The following MAP3K7CL variants were observed in gnomAD, a reference collection of about 807,000 sequenced individuals.
MAP3K7CL encodes MAP3K7 C-terminal like, also known as MAP3K7 C-terminal-like protein.
Under a neutral mutation model 18.6 loss-of-function variants are expected in MAP3K7CL, and 16 were observed. The observed-to-expected ratio is 0.86, with a 90% CI of 0.58 to 1.31. MAP3K7CL has a LOEUF of 1.31. Among genes scored for constraint, MAP3K7CL ranks in the 50% most tolerant of loss-of-function variants. MAP3K7CL has a pLI of 0.00. For missense variants in MAP3K7CL, 163 were observed against 174.4 expected (o/e 0.93, Z 0.37); for synonymous variants, 65 against 66.8 (o/e 0.97, Z 0.13).
At chr21:29,085,722 T>C (rs2085913702), upstream of MAP3K7CL, 1 of 757,588 alleles carries the variant, frequency 1.3e-6, no homozygotes, top group Admixed American at 2.2e-5. Context: ...GTATTTAACA[T>C]TAATTGAATG....
chr21:29,131,041 T>C (rs2086770634), intron 1 of MAP3K7CL, 118 bp downstream of exon 1: 1 of 585,694 alleles, frequency 1.7e-6, no homozygotes, highest in East Asian at 1.4e-4. Context: ...CCAGACGGTG[T>C]GATGAAAAGG....
chr21:29,167,439 T>A (rs776268441), intron 4 of MAP3K7CL, among the ~76,000 whole-genome samples: 3 of 152,182 alleles, frequency 2.0e-5, no homozygotes, highest in Admixed American at 6.5e-5. Context: ...GGCAAAAGGG[T>A]GCATATGTAA....
upstream of MAP3K7CL, among the ~76,000 whole-genome samples, chr21:29,084,016 A>G (rs2085882939): frequency 6.8e-6 from 1 of 147,928 alleles, no homozygotes; most frequent in Admixed American, 6.8e-5. Flanking sequence ...TATATATTTT[A>G]TGACATATAT....
At chr21:29,147,233 T>C (rs2087148743) in intron 2 of MAP3K7CL, among the ~76,000 whole-genome samples, 7 of 152,114 alleles carry the variant, frequency 4.6e-5, no homozygotes, top group Admixed American at 4.6e-4. Context: ...ATAGGTACTA[T>C]ATATGTATAT....
At chr21:29,084,629 G>A (rs1393998665), upstream of MAP3K7CL, among the ~76,000 whole-genome samples, 1 of 152,186 alleles carries the variant, frequency 6.6e-6, no homozygotes, top group Non-Finnish European at 1.5e-5. Flanking sequence ...GTCTGCTAGA[G>A]CAATTACATT....
Position 29,155,880 on chromosome 21 carries a change from G to A in MAP3K7CL, c.133-4061G>A, listed in dbSNP as rs552033774. 4.1e-3 allele frequency among the ~76,000 whole-genome samples: 620 copies of A among 152,278 alleles called. 7 individuals carry two copies. The highest frequency in any genetic ancestry group is 6.4e-3 in the Non-Finnish European group (433 of 68,006). On this transcript the variant is annotated intron_variant, in intron 3 of 4. Transcript: ENST00000399928. ...TGGCTTGAGGCGCTGTTAGGAGAAG[G>A]TGTTAATTTCACCTCCTAAGAACTG...
At chr21:29,149,798 A>T (rs533081979) in intron 3 of MAP3K7CL, among the ~76,000 whole-genome samples, 15 of 152,370 alleles carry the variant, frequency 9.8e-5, no homozygotes, top group African/African-American at 3.6e-4. Flanking sequence ...ATCTGTTGAA[A>T]GATATTTTAA....
chr21:29,159,390 G>A (rs954474307), intron 3 of MAP3K7CL, among the ~76,000 whole-genome samples: 7 of 152,076 alleles, frequency 4.6e-5, no homozygotes, highest in Non-Finnish European at 7.4e-5. Context: ...GGGAGATCCG[G>A]CCTTTCTTAC....
chr21:29,108,629 G>A (rs557997262), intron 4 of MAP3K7CL, among the ~76,000 whole-genome samples: 1 of 152,134 alleles, frequency 6.6e-6, no homozygotes, highest in Non-Finnish European at 1.5e-5. Flanking sequence ...CAGCATCTGG[G>A]TATGTTTGGA....
chr21:29,172,767 A>G (rs1248794059), intron 4 of MAP3K7CL, among the ~76,000 whole-genome samples: 2 of 152,094 alleles, frequency 1.3e-5, no homozygotes, highest in Non-Finnish European at 2.9e-5. Flanking sequence ...ACCTAATTGA[A>G]TGAGATGGTC....
At chr21:29,155,645 G>A (rs2087384852) in intron 3 of MAP3K7CL, among the ~76,000 whole-genome samples, 1 of 152,160 alleles carries the variant, frequency 6.6e-6, no homozygotes, top group Admixed American at 6.5e-5. Context: ...TTGTTAAATC[G>A]GTCCTGATAA....
At chr21:29,100,617 A>G (rs558098014) in intron 4 of MAP3K7CL, among the ~76,000 whole-genome samples, 1 of 151,236 alleles carries the variant, frequency 6.6e-6, no homozygotes, top group Non-Finnish European at 1.5e-5. Flanking sequence ...ATTGCAAACT[A>G]TTACGCATCA....
At position 29,140,611 on chromosome 21, in the gene MAP3K7CL, TC is replaced by T. The variant is rs1363985297; in HGVS notation, c.70+7198del. On this transcript the variant is annotated intron_variant, in intron 2 of 4. Transcript: ENST00000399928. ...ATGTTATAAGAGAAAGCTCAAAGCTTCTTGACAACAAATAGCTTCCCGACAA... is the reference window on the plus strand; with the variant it reads ...ATGTTATAAGAGAAAGCTCAAAGCTTTTGACAACAAATAGCTTCCCGACAA... Among the ~76,000 whole-genome samples the T allele has an allele frequency of 3.0e-4, 46 of 152,316 alleles. No homozygotes were observed. The Middle Eastern group carries it at 0.01, about 34-fold the overall frequency.
chr21:29,077,287 G>A (rs796895608), upstream of MAP3K7CL, among the ~76,000 whole-genome samples: 30 of 152,374 alleles, frequency 2.0e-4, no homozygotes, highest in African/African-American at 7.2e-4. Flanking sequence ...CGGGCTGCAG[G>A]TCCCTAGCCC....
At chr21:29,123,440 A>C (rs565193808) in intron 4 of MAP3K7CL, among the ~76,000 whole-genome samples, 1 of 152,300 alleles carries the variant, frequency 6.6e-6, no homozygotes, top group East Asian at 1.9e-4. Flanking sequence ...AATCTGACCG[A>C]GTTTCTAGAT....
chr21:29,113,484 T>C (rs2086454209), intron 4 of MAP3K7CL, among the ~76,000 whole-genome samples: 1 of 152,168 alleles, frequency 6.6e-6, no homozygotes, highest in African/African-American at 2.4e-5. Flanking sequence ...GGTTGCTCGC[T>C]CTGTGCTCAC....
intron 2 of MAP3K7CL, among the ~76,000 whole-genome samples, chr21:29,139,831 G>A (rs185464845): frequency 8.1e-5 from 12 of 149,056 alleles, no homozygotes; most frequent in Admixed American, 6.7e-4. Flanking sequence ...GTGACCGCCC[G>A]CCTTGGCCTC....
At chr21:29,136,339 C>A (rs1055492602) in intron 2 of MAP3K7CL, among the ~76,000 whole-genome samples, 1 of 152,028 alleles carries the variant, frequency 6.6e-6, no homozygotes, top group Admixed American at 6.6e-5. Flanking sequence ...GGCCTGCAGA[C>A]CACACATTTA....
At chr21:29,162,766 A>G (rs2832229) in intron 4 of MAP3K7CL, among the ~76,000 whole-genome samples, 132,705 of 151,772 alleles carry the variant, frequency 0.87, 58,287 homozygotes, top group African/African-American at 0.93. Flanking sequence ...CTTACTGTTT[A>G]CATTGAAAGC....
Sources: gnomAD v4.1 joint callset for allele counts (sites outside exome capture counted in the v4.1 genomes callset) on GRCh38, gnomAD v4.1.1 for gene constraint, MANE v1.5 for transcripts, NCBI Gene and HGNC (gene_info 2026-07-23, HGNC 2026-07-21) for gene names.